Variants in PIK3R4 observed in about 807,000 individuals in gnomAD.
PIK3R4 encodes phosphoinositide-3-kinase regulatory subunit 4.
In PIK3R4, 46 loss-of-function variants were observed where a neutral mutation model predicts 136.5. The ratio of observed to expected loss-of-function variants is 0.34; its 90% CI spans 0.27 to 0.43. The LOEUF is 0.43. Among genes scored for constraint, PIK3R4 ranks in the 20% least tolerant of loss-of-function variants. The pLI, the probability that PIK3R4 is intolerant of heterozygous loss-of-function variation, is 1.00. For missense variants in PIK3R4, 1,331 were observed against 1,649.5 expected (o/e 0.81, Z 3.35); for synonymous variants, 557 against 566.7 (o/e 0.98, Z 0.24).
Position 130,686,404 on chromosome 3 carries a change from C to G in PIK3R4, c.3282G>C (p.Glu1094Asp), listed in dbSNP as rs368346956. The change falls in exon 15 of 20, where the codon GAG (glutamate) becomes GAC (aspartate). Residue 1094 changes from glutamate to aspartate, a missense_variant. Glu to Asp is a conservative substitution (Grantham distance 45). Coordinates refer to ENST00000356763, the MANE Select transcript of PIK3R4 (RefSeq NM_014602.3). ...PLQSRILDQK[E>D]DGCVVDMHHF... ...GATGCATATCCACAACACAACCGTC[C>G]TCCTTCTGATCTAGAATTCTAGAGA... 2 of 1,609,646 alleles carry G rather than the reference C, an allele frequency of 1.2e-6. No individual in the cohort carries two copies. The highest frequency in any genetic ancestry group is 2.2e-5 in the East Asian group (1 of 44,850).
chr3:130,723,625 C>T (rs952535985), intron 6 of PIK3R4, 38 bp from the exon 7 acceptor site: 3 of 1,548,328 alleles, frequency 1.9e-6, no homozygotes, highest in South Asian at 1.2e-5. Flanking sequence ...TTATTCAATA[C>T]CTAAAAGTAC....
At chr3:130,709,660 A>G (rs912258586) in intron 9 of PIK3R4, among the ~76,000 whole-genome samples, 1 of 152,152 alleles carries the variant, frequency 6.6e-6, no homozygotes, top group African/African-American at 2.4e-5. Flanking sequence ...TCTATGTTTT[A>G]GTCCACAAAA....
At position 130,716,900 on chromosome 3, in the gene PIK3R4, G is replaced by A. The variant is rs568114559; in HGVS notation, c.2128-301C>T. Among the ~76,000 whole-genome samples, 4 of 152,264 alleles carry A rather than the reference G, an allele frequency of 2.6e-5. No homozygotes were observed. The East Asian group carries it at 5.8e-4, about 22-fold the overall frequency. ...TCTAGATCCCAATATGTCAGACAACGTCCTAGATCTAAAAAGTATGTGCAG... is the reference window on the plus strand; with the variant it reads ...TCTAGATCCCAATATGTCAGACAACATCCTAGATCTAAAAAGTATGTGCAG... On this transcript the variant is annotated intron_variant, in intron 8 of 19. Transcript: ENST00000356763.
chr3:130,734,542 A>C (rs915465369), intron 3 of PIK3R4, among the ~76,000 whole-genome samples: 4 of 152,202 alleles, frequency 2.6e-5, no homozygotes, highest in Non-Finnish European at 5.9e-5. Flanking sequence ...AGAACCCCTA[A>C]AATCCATTTA....
intron 6 of PIK3R4, 193 bp from the exon 7 acceptor site, chr3:130,723,780 C>T (rs895932356): frequency 2.5e-5 from 12 of 473,598 alleles, no homozygotes; most frequent in Middle Eastern, 1.1e-3. Flanking sequence ...TTCTCGGACA[C>T]CACAGAAAAG....
At chr3:130,743,026 T>C (rs1426331152) in intron 2 of PIK3R4, among the ~76,000 whole-genome samples, 1 of 152,182 alleles carries the variant, frequency 6.6e-6, no homozygotes, top group Non-Finnish European at 1.5e-5. Context: ...ATCACTTCTG[T>C]ACAACCTTTC....
chr3:130,702,792 ATATT>A (rs2066582206), intron 13 of PIK3R4, among the ~76,000 whole-genome samples: 1 of 152,260 alleles, frequency 6.6e-6, no homozygotes, highest in Non-Finnish European at 1.5e-5. Context: ...CACATCATGC[ATATT>A]TAAAGTCTTA....
intron 13 of PIK3R4, among the ~76,000 whole-genome samples, chr3:130,701,614 C>T (rs1018230443): frequency 6.6e-6 from 1 of 151,860 alleles, no homozygotes; most frequent in Non-Finnish European, 1.5e-5. Context: ...AAGGGAACCT[C>T]CTGGTATGAT....
At chr3:130,734,191 A>G in intron 3 of PIK3R4, 61 bp from the exon 4 acceptor site, 1 of 1,350,970 alleles carries the variant, frequency 7.4e-7, no homozygotes, top group South Asian at 1.4e-5. Context: ...AAACCAGATG[A>G]AAGCTACAAA....
rs537240162 is a variant in PIK3R4 at position 130,713,556 on chromosome 3, AC to A, written c.2331+2839del. On this transcript the variant is annotated intron_variant, in intron 9 of 19. Coordinates refer to ENST00000356763, the MANE Select transcript of PIK3R4 (RefSeq NM_014602.3). ...CTGTTCCTTCCCACTCCTTCCTTTT[AC>A]CCATGGCAGTGTCAAAACCTATACC... Among the ~76,000 whole-genome samples, 634 of 152,280 alleles carry A rather than the reference AC, an allele frequency of 4.2e-3. 1 individual carries two copies. The highest frequency in any genetic ancestry group is 0.014 in the African/African-American group (591 of 41,564).
rs192317873 is a variant in PIK3R4 at position 130,740,553 on chromosome 3, C to G, written c.733+3933G>C. ...AGAAGTTTAAGACCAGCCTGGCCAA[C>G]ATGGAGAAACCCTGTCTCTACTAAA... On this transcript the variant is annotated intron_variant, in intron 2 of 19. Transcript: ENST00000356763. 3.1e-3 allele frequency among the ~76,000 whole-genome samples: 470 copies of G among 152,102 alleles called. 4 individuals are homozygous for G. The highest frequency in any genetic ancestry group is 0.011 in the African/African-American group (448 of 41,488).
chr3:130,688,521 C>T (rs2066500645), intron 14 of PIK3R4, among the ~76,000 whole-genome samples: 1 of 152,196 alleles, frequency 6.6e-6, no homozygotes, highest in South Asian at 2.1e-4. Context: ...ATTTTACATA[C>T]ATTTAAATTC....
At position 130,680,617 on chromosome 3, in the gene PIK3R4, A is replaced by G; in HGVS notation, c.3902T>C (p.Val1301Ala). Reference protein sequence around the residue: ...YRKIIEGTEVVQEIQNKQKVG... With the variant: ...YRKIIEGTEVAQEIQNKQKVG... ...GGAATGAAAAGACTACAGTACCTGG[A>G]CAACTTCAGTGCCTTCAATTATTTT... The change falls in exon 19 of 20, where the codon GTC (valine) becomes GCC (alanine). Residue 1301 changes from valine (V) to alanine (A), a missense_variant. Val to Ala is a moderately conservative substitution (Grantham distance 64). This residue lies in a region of PIK3R4 where 1,180 missense variants were observed against 1,407.0 expected (regional missense o/e 0.84). Coordinates refer to ENST00000356763, the MANE Select transcript of PIK3R4 (RefSeq NM_014602.3). 6.4e-7 allele frequency: 1 copy of G among 1,568,672 alleles called. No individual in the cohort carries two copies. The highest frequency in any genetic ancestry group is 8.8e-7 in the Non-Finnish European group (1 of 1,139,942).
chr3:130,698,331 G>C (rs116544523), intron 13 of PIK3R4, among the ~76,000 whole-genome samples: 422 of 152,118 alleles, frequency 2.8e-3, no homozygotes, highest in African/African-American at 9.5e-3. Context: ...CTTTTATTAT[G>C]CATGTGTGAG....
At position 130,679,843 on chromosome 3, in the gene PIK3R4, CA is replaced by C. The variant is rs1347767349; in HGVS notation, c.3907-359del. Among the ~76,000 whole-genome samples, 3 of 152,130 alleles carry C rather than the reference CA, an allele frequency of 2.0e-5. No homozygotes were observed. In the East Asian group the frequency reaches 5.8e-4, roughly 29 times the overall value. ...CTATAATCCCAGCACTTTGGGAGGCCAAGGCGGGTGGATCACAAGGTCAGGA... is the reference window on the plus strand; with the variant it reads ...CTATAATCCCAGCACTTTGGGAGGCCAGGCGGGTGGATCACAAGGTCAGGA... On this transcript the variant is annotated intron_variant, in intron 19 of 19. Coordinates refer to ENST00000356763, the MANE Select transcript of PIK3R4 (RefSeq NM_014602.3).
rs2066471141 is a variant in PIK3R4, at chr3:130,683,502, A to G, written c.3607+748T>C. On this transcript the variant is annotated intron_variant, in intron 16 of 19. Coordinates refer to ENST00000356763, the MANE Select transcript of PIK3R4 (RefSeq NM_014602.3). Reference sequence around the variant, plus strand: ...CAGGTAAGGAAAGTATTTGAAAATAACAGAAATCAACTGATCAAATGATAA... The same window carrying G: ...CAGGTAAGGAAAGTATTTGAAAATAGCAGAAATCAACTGATCAAATGATAA... 2.0e-5 allele frequency among the ~76,000 whole-genome samples: 3 copies of G among 152,198 alleles called. No homozygotes were observed. In the South Asian group the frequency reaches 6.2e-4, roughly 31 times the overall value.
At chr3:130,684,121 A>G (rs2066474634) in intron 16 of PIK3R4, 129 bp downstream of exon 16, 3 of 787,490 alleles carry the variant, frequency 3.8e-6, no homozygotes, top group Non-Finnish European at 6.2e-6. Flanking sequence ...GGCAACCTCC[A>G]TAATCAGAAG....
At chr3:130,716,743 A>G (rs868788383) in intron 8 of PIK3R4, 144 bp from the exon 9 acceptor site, 28 of 608,986 alleles carry the variant, frequency 4.6e-5, no homozygotes, top group Middle Eastern at 4.4e-4. Context: ...GTAGAAGAAA[A>G]AAGAATACTA....
At chr3:130,720,332 A>T (rs1167403771) in intron 7 of PIK3R4, among the ~76,000 whole-genome samples, 1 of 152,098 alleles carries the variant, frequency 6.6e-6, no homozygotes, top group Non-Finnish European at 1.5e-5. Context: ...AGTAGCTAGG[A>T]TTACAGACAT....
Sources: allele counts gnomAD v4.1 joint callset (sites outside exome capture counted in the v4.1 genomes callset), GRCh38; gene constraint gnomAD v4.1.1; regional missense constraint gnomAD v4.1.1; transcripts MANE v1.5; gene names NCBI Gene and HGNC (gene_info 2026-07-23, HGNC 2026-07-21).